The following PRELID2 variants were observed in gnomAD, a reference collection of about 807,000 sequenced individuals.
PRELID2 encodes PRELI domain-containing protein 2.
In PRELID2, 25 loss-of-function variants were observed where a neutral mutation model predicts 28.4. The observed-to-expected ratio is 0.88, with a 90% confidence interval of 0.64 to 1.23. The LOEUF (loss-of-function observed/expected upper bound fraction) is 1.23. Among genes scored for constraint, PRELID2 ranks in the 50% most tolerant of loss-of-function variants. The pLI, the probability that PRELID2 is intolerant of heterozygous loss-of-function variation, is 0.00. For synonymous variants in PRELID2, 76 were observed against 71.6 expected (o/e 1.06, Z -0.31); for missense variants, 201 against 214.4 (o/e 0.94, Z 0.39).
intron 1 of PRELID2, among the ~76,000 whole-genome samples, chr5:145,635,197 G>C (rs1753983965): frequency 6.6e-6 from 1 of 152,132 alleles, no homozygotes; most frequent in African/African-American, 2.4e-5. Context: ...AGGATTGTTT[G>C]TGTCTGTCTC....
chr5:145,320,598 C>T, the PRELID2 span, among the ~76,000 whole-genome samples: 4 of 152,228 alleles, frequency 2.6e-5, no homozygotes, highest in South Asian at 6.2e-4. Context: ...TTTCCCTGCA[C>T]GCATCATAAT....
chr5:145,560,612 C>A (rs368012206), intron 1 of PRELID2, among the ~76,000 whole-genome samples: 1 of 152,324 alleles, frequency 6.6e-6, no homozygotes, highest in East Asian at 1.9e-4. Context: ...AGCCTGTCAG[C>A]CAGGGAACCC....
chr5:145,372,901 ATATATAATATATATGATATTATATAT>A, the PRELID2 span, among the ~76,000 whole-genome samples: 1 of 52,888 alleles, frequency 1.9e-5, no homozygotes, highest in Non-Finnish European at 3.8e-5. Context: ...ATATTACAAC[ATATATAATATATATGATATTATATAT>A]TACAACATAT....
the PRELID2 span, among the ~76,000 whole-genome samples, chr5:145,391,153 G>A: frequency 3.9e-5 from 6 of 152,072 alleles, no homozygotes; most frequent in African/African-American, 9.7e-5. Flanking sequence ...ACCATTCTGC[G>A]GTCTGGAGGA....
the PRELID2 span, among the ~76,000 whole-genome samples, chr5:145,303,232 C>T: frequency 0.24 from 37,140 of 151,964 alleles, 5,030 homozygotes; most frequent in Non-Finnish European, 0.3. Flanking sequence ...TTAGAGATAG[C>T]GCTGGAAGCT....
intron 1 of PRELID2, among the ~76,000 whole-genome samples, chr5:145,592,419 C>CA (rs201104365): frequency 1.5e-3 from 215 of 146,908 alleles, no homozygotes; most frequent in African/African-American, 4.4e-3. Context: ...GACTCTGTCT[C>CA]AAAAAAAAAA....
intron 1 of PRELID2, among the ~76,000 whole-genome samples, chr5:145,747,506 A>G (rs1164246473): frequency 6.6e-6 from 1 of 152,156 alleles, no homozygotes; most frequent in African/African-American, 2.4e-5. Context: ...TAGACCAATA[A>G]CAAGTTCTGA....
intron 1 of PRELID2, among the ~76,000 whole-genome samples, chr5:145,531,731 A>G (rs879821804): frequency 6.6e-6 from 1 of 152,212 alleles, no homozygotes; most frequent in African/African-American, 2.4e-5. Flanking sequence ...AAGGATCATC[A>G]GGACCTAGAT....
At chr5:145,360,452 A>G in the PRELID2 span, among the ~76,000 whole-genome samples, 2 of 152,164 alleles carry the variant, frequency 1.3e-5, no homozygotes, top group Admixed American at 6.5e-5. Context: ...GCAAGATGAC[A>G]TAGGAACAAA....
intron 1 of PRELID2, among the ~76,000 whole-genome samples, chr5:145,518,038 G>A (rs1463466813): frequency 6.6e-6 from 1 of 151,920 alleles, no homozygotes; most frequent in African/African-American, 2.4e-5. Flanking sequence ...AATACCTAAT[G>A]TAGATGGTGG....
downstream of PRELID2, among the ~76,000 whole-genome samples, chr5:145,469,873 C>A (rs2126603813): frequency 6.6e-6 from 1 of 152,252 alleles, no homozygotes; most frequent in South Asian, 2.1e-4. Flanking sequence ...AATGTCCCAT[C>A]AGTAAATCTG....
the PRELID2 span, among the ~76,000 whole-genome samples, chr5:145,423,994 C>T: frequency 5.3e-4 from 80 of 151,606 alleles, no homozygotes; most frequent in Admixed American, 4.1e-3. Flanking sequence ...AGTACCCTGC[C>T]GTGTGAGGTG....
At chr5:145,334,717 C>T in the PRELID2 span, among the ~76,000 whole-genome samples, 1 of 150,612 alleles carries the variant, frequency 6.6e-6, no homozygotes, top group Non-Finnish European at 1.5e-5. Context: ...CAATCTTTAT[C>T]TTTCCTCCAT....
chr5:145,525,938 G>A (rs1193001132), intron 1 of PRELID2, among the ~76,000 whole-genome samples: 1 of 152,122 alleles, frequency 6.6e-6, no homozygotes, highest in Non-Finnish European at 1.5e-5. Context: ...TTCTTTCTGG[G>A]TCTACTTCTT....
the PRELID2 span, among the ~76,000 whole-genome samples, chr5:145,409,824 T>A: frequency 2.0e-5 from 3 of 150,562 alleles, no homozygotes; most frequent in South Asian, 6.3e-4. Context: ...AACTATCACA[T>A]GAAACCAAAA....
intron 1 of PRELID2, among the ~76,000 whole-genome samples, chr5:145,605,760 T>C (rs1039720671): frequency 1.3e-5 from 2 of 151,934 alleles, no homozygotes; most frequent in South Asian, 2.1e-4. Flanking sequence ...ATATAATTTA[T>C]ATATATAAAT....
the PRELID2 span, among the ~76,000 whole-genome samples, chr5:145,415,374 T>C: frequency 2.6e-5 from 4 of 151,954 alleles, no homozygotes; most frequent in Non-Finnish European, 5.9e-5. Flanking sequence ...GCTGGTGTGC[T>C]GCACCCATTA....
At chr5:145,243,116 G>A in the PRELID2 span, among the ~76,000 whole-genome samples, 6 of 151,962 alleles carry the variant, frequency 3.9e-5, no homozygotes, top group Admixed American at 6.6e-5. Flanking sequence ...ACAGTCCAAA[G>A]AAAATACAAA....
At chr5:145,768,253 G>C (rs553792026) in intron 5 of PRELID2, among the ~76,000 whole-genome samples, 5 of 151,430 alleles carry the variant, frequency 3.3e-5, no homozygotes, top group African/African-American at 1.2e-4. Context: ...AAAGAATTAG[G>C]GGAAAGGGGA....
Sources: allele counts gnomAD v4.1 joint callset (sites outside exome capture counted in the v4.1 genomes callset), GRCh38; gene constraint gnomAD v4.1.1; transcripts MANE v1.5; gene names NCBI Gene and HGNC (gene_info 2026-07-23, HGNC 2026-07-21).